Variants in ARX observed in about 807,000 individuals in gnomAD.
ARX encodes the protein aristaless related homeobox.
A neutral mutation model predicts 23.1 loss-of-function variants in ARX; 1 was observed. That is an observed-to-expected ratio of 0.04 (90% CI 0.02 to 0.21). ARX has a LOEUF of 0.21. Among genes scored for constraint, ARX ranks in the 10% least tolerant of loss-of-function variants. The probability of loss-of-function intolerance (pLI) is 1.00; values close to 1 mark genes in which losing one functional copy is unlikely to be tolerated. For missense variants in ARX, 380 were observed against 527.5 expected, an observed-to-expected ratio of 0.72 and a Z score of 2.74; for synonymous variants, 301 against 270.1, an observed-to-expected ratio of 1.11 and a Z score of -1.12.
Position 25,013,805 on chromosome X carries a change from G to A in ARX, c.197-7C>T. ...CTGCTGCTCTTAGGGGAGCCTGCGG[G>A]CAAGGGAGAGCTATCAGCCAGCCGG... On this transcript the variant is annotated splice_polypyrimidine_tract_variant and splice_region_variant and intron_variant, in intron 1 of 4. Coordinates refer to ENST00000379044, the MANE Select transcript of ARX (RefSeq NM_139058.3). 2 of 924,509 alleles carry A rather than the reference G, an allele frequency of 2.2e-6. No homozygotes were observed. The highest frequency in any genetic ancestry group is 2.7e-6 in the Non-Finnish European group (2 of 746,999). 76.2% of individuals were successfully genotyped at this position (924,509 alleles called of 1,213,427 possible).
Position 25,004,829 on chromosome X carries a change from G to T in ARX, c.1530C>A (p.Gly510=), listed in dbSNP as rs769107210. 12 of 1,174,005 alleles carry T rather than the reference G, an allele frequency of 1.0e-5. No homozygotes were observed. In the South Asian group the frequency reaches 2.3e-4, roughly 22 times the overall value. The change falls in exon 5 of 5, where the codon GGC becomes GGA. Residue 510 remains glycine (G), a synonymous_variant. Transcript: ENST00000379044. ...CGGCCAGGGCGCCCGATGCCACTGC[G>T]CCCTCCACGGCGGGTGTGGGCTGTC... The part of the protein sequence containing the change: ...LLRQPTPAVE[G]AVASGALADP...
rs999469305 is a variant in ARX at position 25,015,921 on chromosome X, G to A, written c.-184C>T. The A allele has an allele frequency of 1.2e-4, 57 of 494,393 alleles. No individual in the cohort carries two copies. Among genetic ancestry groups the A allele is most frequent in the Non-Finnish European group, 1.7e-5 (5 of 287,623 alleles). 40.7% of individuals were successfully genotyped at this position (494,393 alleles called of 1,213,427 possible). The stretch of plus-strand genomic sequence containing the variant: ...CCGGCTCCCGCCCTGCCCGCGGCCC[G>A]AGCTCGCCCTCTCCGCGCTCAGGAC... On this transcript the variant is annotated 5_prime_UTR_variant, in exon 1 of 5. Transcript: ENST00000379044.
Position 25,013,836 on chromosome X carries a change from C to A in ARX, c.197-38G>T, listed in dbSNP as rs878868504. The A allele has an allele frequency of 1.0e-4, 90 of 902,662 alleles. 1 individual carries two copies. In the South Asian group the frequency reaches 2.4e-3, roughly 24 times the overall value. 74.4% of individuals were successfully genotyped at this position (902,662 alleles called of 1,213,427 possible). On this transcript the variant is annotated intron_variant, in intron 1 of 4. Transcript: ENST00000379044. ...GAGAGCTATCAGCCAGCCGGCCGGC[C>A]GGGGAGTCCCAGCCAGGGCTGCTGC... is the stretch of plus-strand genomic sequence containing the variant.
Position 25,012,913 on chromosome X carries a change from C to T in ARX, c.1073+9G>A. ...TGCCGCTGCGACCGCGACCACCCTACGCGCATACCTGGTGAAGACGTCCGG... is the reference window on the plus strand; with the variant it reads ...TGCCGCTGCGACCGCGACCACCCTATGCGCATACCTGGTGAAGACGTCCGG... On this transcript the variant is annotated intron_variant, in intron 2 of 4. Transcript: ENST00000379044. 8.3e-7 allele frequency: 1 copy of T among 1,203,370 alleles called. No homozygotes were observed. Among genetic ancestry groups the T allele is most frequent in the East Asian group, 3.0e-5 (1 of 33,597 alleles).
intron 2 of ARX, among the ~76,000 whole-genome samples, chrX:25,012,114 A>G (rs927206611): frequency 8.9e-6 from 1 of 112,678 alleles, no homozygotes; most frequent in African/African-American, 3.2e-5. Flanking sequence ...CGGCTTGGAC[A>G]CTGATCCAAA....
At chrX:25,014,042 C>T (rs2048715084) in intron 1 of ARX, among the ~76,000 whole-genome samples, 1 of 109,905 alleles carries the variant, frequency 9.1e-6, no homozygotes, top group Non-Finnish European at 1.9e-5. Flanking sequence ...CCCTTCTTTC[C>T]GTTCCCTCTC....
chrX:25,013,399 G>T lies in ARX; in HGVS notation c.596C>A (p.Thr199Lys), dbSNP rs1268774120. 3.7e-6 allele frequency: 4 copies of T among 1,079,011 alleles called. No homozygotes were observed. Among genetic ancestry groups the T allele is most frequent in the South Asian group, 2.4e-5 (1 of 40,955 alleles). The allele number at this position is 1,079,011 out of a possible 1,213,427, so 88.9% of individuals were successfully genotyped here. The change falls in exon 2 of 5, where the codon ACG becomes AAG. Residue 199 changes from threonine (T) to lysine (K), a missense_variant. Around this residue, in one of 3 missense-constraint regions of ARX, gnomAD observed 235 missense variants for 270.2 expected, o/e 0.87. Transcript: ENST00000379044. ...LDELGGPGGV[T>K]HPEERLGVAG... is the part of the protein sequence containing the mutation. The stretch of plus-strand genomic sequence containing the variant: ...CACGCCGAGGCGCTCCTCCGGGTGC[G>T]TGACGCCCCCCGGGCCGCCCAGCTC...
chrX:25,012,902 C>G lies in ARX; in HGVS notation c.1073+20G>C. 8.3e-7 allele frequency: 1 copy of G among 1,200,648 alleles called. No individual in the cohort carries two copies. The highest frequency in any genetic ancestry group is 1.7e-5 in the African/African-American group (1 of 57,781). On this transcript the variant is annotated intron_variant, in intron 2 of 4. Coordinates refer to ENST00000379044, the MANE Select transcript of ARX (RefSeq NM_139058.3). ...CGTGCGCTCTCTGCCGCTGCGACCG[C>G]GACCACCCTACGCGCATACCTGGTG...
intron 2 of ARX, among the ~76,000 whole-genome samples, chrX:25,012,614 C>T (rs978449492): frequency 8.8e-6 from 1 of 113,343 alleles, no homozygotes; most frequent in South Asian, 3.6e-4. Flanking sequence ...CGCTTTCGGG[C>T]GCTCTTTGGA....
intron 4 of ARX, chrX:25,006,762 G>A (rs931213702): frequency 1.1e-4 from 17 of 154,501 alleles, no homozygotes; most frequent in Non-Finnish European, 1.5e-4. Context: ...TTAAAAAGTC[G>A]TCCCTGCTCT....
intron 4 of ARX, among the ~76,000 whole-genome samples, chrX:25,005,500 G>A (rs765599329): frequency 6.8e-4 from 77 of 112,427 alleles, no homozygotes; most frequent in African/African-American, 2.5e-3. Context: ...GCGCCGCCGC[G>A]GCCGCCCTTC....
chrX:25,009,758 G>GC (rs2048693990), intron 3 of ARX, among the ~76,000 whole-genome samples: 1 of 111,950 alleles, frequency 8.9e-6, no homozygotes, highest in Non-Finnish European at 1.9e-5. Flanking sequence ...CTTGTGCGGG[G>GC]CGGAGGGGAA....
intron 2 of ARX, among the ~76,000 whole-genome samples, chrX:25,011,832 T>C (rs1449070357): frequency 8.8e-6 from 1 of 113,015 alleles, no homozygotes; most frequent in Non-Finnish European, 1.9e-5. Flanking sequence ...ATTGAAAAGC[T>C]GCGCACGTCT....
At chrX:25,009,127 T>A (rs1357690050) in intron 3 of ARX, among the ~76,000 whole-genome samples, 1 of 111,578 alleles carries the variant, frequency 9.0e-6, no homozygotes, top group Non-Finnish European at 1.9e-5. Flanking sequence ...CGTGGAAACC[T>A]TTTTACAGAC....
At chrX:25,005,570 C>A (rs1322985090) in intron 4 of ARX, among the ~76,000 whole-genome samples, 4 of 112,521 alleles carry the variant, frequency 3.6e-5, no homozygotes, top group African/African-American at 1.3e-4. Context: ...GAAGGGCGAC[C>A]GCCTGTTGAT....
chrX:25,015,647 T>G lies in ARX; in HGVS notation c.91A>C (p.Ser31Arg), dbSNP rs878853107. Reference sequence around the variant, plus strand: ...CACGGGCTCCTCCGGCCCAGGATGCTGTCGATGCAGTAGGAGGAGAGCAAA... The same window carrying G: ...CACGGGCTCCTCCGGCCCAGGATGCGGTCGATGCAGTAGGAGGAGAGCAAA... ...PTLLSSYCID[S>R]ILGRRSPCKM... Residue 31 changes from serine (S) to arginine (R), a missense_variant, in exon 1 of 5, where the codon AGC becomes CGC. Transcript: ENST00000379044. The G allele has an allele frequency of 5.8e-6, 7 of 1,208,250 alleles. No homozygotes were observed. Among genetic ancestry groups the G allele is most frequent in the Non-Finnish European group, 7.8e-6 (7 of 894,203 alleles).
In ARX at chrX:25,004,143, C is replaced by T. The variant is rs180803666; in HGVS notation, c.*527G>A. Reference sequence around the variant, plus strand: ...TAAAGAAGAGAACAAGAACAAGACGCCCCTTTCCTTTAAGTGCACTGTTAG... The same window carrying T: ...TAAAGAAGAGAACAAGAACAAGACGTCCCTTTCCTTTAAGTGCACTGTTAG... On this transcript the variant is annotated 3_prime_UTR_variant, in exon 5 of 5. Coordinates refer to ENST00000379044, the MANE Select transcript of ARX (RefSeq NM_139058.3). 8.6e-6 allele frequency: 1 copy of T among 116,259 alleles called. No individual in the cohort carries two copies. The highest frequency in any genetic ancestry group is 2.8e-4 in the East Asian group (1 of 3,580). The allele number at this position is 116,259 out of a possible 1,213,427, so 9.6% of individuals were successfully genotyped here. A position where few individuals can be genotyped will look rare whatever the true frequency, so the allele number is the denominator to read the frequency against.
chrX:25,013,182 A>G lies in ARX; in HGVS notation c.813T>C (p.Thr271=), dbSNP rs2048709484. 6.8e-6 allele frequency: 8 copies of G among 1,183,586 alleles called. No individual in the cohort carries two copies. The highest frequency in any genetic ancestry group is 9.1e-6 in the Non-Finnish European group (8 of 882,415). ...CGGCAGCTGCTGCGGCCACGGCGCC[A>G]GTGGCGGCCACAGGACAGCGCCGGG... ...KEPRRCPVAA[T]GAVAAAAAAA... is the part of the protein sequence containing the mutation. Residue 271 remains threonine (T), a synonymous_variant, in exon 2 of 5, where the codon ACT becomes ACC. Transcript: ENST00000379044.
At position 25,014,217 on chromosome X, in the gene ARX, G is replaced by A. The variant is rs780952342; in HGVS notation, c.197-419C>T. On this transcript the variant is annotated intron_variant, in intron 1 of 4. Coordinates refer to ENST00000379044, the MANE Select transcript of ARX (RefSeq NM_139058.3). ...TCCCCCTTTCTTTCTCTTTTTGCAG[G>A]CTTTCTCTCCCCTCTCTCCTTCTTT... Among the ~76,000 whole-genome samples the A allele has an allele frequency of 1.8e-4, 19 of 104,240 alleles. No homozygotes were observed. The South Asian group carries it at 3.0e-3, about 16-fold the overall frequency. 90.5% of individuals were successfully genotyped at this position (104,240 alleles called of 115,157 possible).
Sources: allele counts gnomAD v4.1 joint callset (sites outside exome capture counted in the v4.1 genomes callset), GRCh38; gene constraint gnomAD v4.1.1; regional missense constraint gnomAD v4.1.1; transcripts MANE v1.5; gene names NCBI Gene and HGNC (gene_info 2026-07-23, HGNC 2026-07-21).